IARS1: variants seen among roughly 807,000 people sequenced by gnomAD.
The protein encoded by IARS1 is isoleucyl-tRNA synthetase 1, also known as isoleucine--tRNA ligase, cytoplasmic.
In IARS1, 124 loss-of-function variants were observed where a neutral mutation model predicts 168.2. The observed-to-expected ratio is 0.74, with a 90% CI of 0.64 to 0.86. The LOEUF (loss-of-function observed/expected upper bound fraction) is 0.86. IARS1 is among the 40% of genes least tolerant of loss of function. The pLI is 0.00. For missense variants in IARS1, 1,452 were observed against 1,515.8 expected, an observed-to-expected ratio of 0.96 and a Z score of 0.70; for synonymous variants, 532 against 529.4, an observed-to-expected ratio of 1.00 and a Z score of -0.07.
intron 33 of IARS1, among the ~76,000 whole-genome samples, chr9:92,216,970 A>T (rs1356190726): frequency 6.6e-6 from 1 of 151,174 alleles, no homozygotes; most frequent in African/African-American, 2.4e-5. Context: ...CAGAATATAC[A>T]TTTTTTTCAG....
Position 92,245,041 on chromosome 9 carries a change from T to C in IARS1, c.2822A>G (p.His941Arg), listed in dbSNP as rs993445177. The part of the protein sequence containing the change: ...GTIVVEGHEL[H>R]DEDIRLMYTF... ...GTACATGAGGCGGATGTCTTCATCG[T>C]GCAATTCATGGCCTTCCACAACAAT... The change falls in exon 27 of 34, where the codon CAC becomes CGC. Residue 941 changes from histidine to arginine, a missense_variant. Coordinates refer to ENST00000443024, the MANE Select transcript of IARS1 (RefSeq NM_002161.6). 2.2e-5 allele frequency: 36 copies of C among 1,614,088 alleles called. No homozygotes were observed. The highest frequency in any genetic ancestry group is 2.9e-5 in the Non-Finnish European group (34 of 1,180,030).
At position 92,260,518 on chromosome 9, in the gene IARS1, G is replaced by C. The variant is rs543705854; in HGVS notation, c.1788-284C>G. On this transcript the variant is annotated intron_variant, in intron 17 of 33. Transcript: ENST00000443024. Reference sequence around the variant, plus strand: ...AAAAATACAAAAATTAGCTGGGCGTGGGGGCGCACACTTGTAATCCCCACT... The same window carrying C: ...AAAAATACAAAAATTAGCTGGGCGTCGGGGCGCACACTTGTAATCCCCACT... Among the ~76,000 whole-genome samples, 3 of 152,204 alleles carry C rather than the reference G, an allele frequency of 2.0e-5. No individual in the cohort carries two copies. In the South Asian group the frequency reaches 6.2e-4, roughly 32 times the overall value.
chr9:92,270,007 T>A (rs1298502924), intron 12 of IARS1, 24 bp from the exon 13 acceptor site: 1 of 1,486,376 alleles, frequency 6.7e-7, no homozygotes, highest in Non-Finnish European at 9.4e-7. Context: ...AACACACACA[T>A]AGCTGCTCAG....
chr9:92,286,260 G>T, intron 5 of IARS1: 1 of 315,700 alleles, frequency 3.2e-6, no homozygotes, highest in South Asian at 5.0e-5. Flanking sequence ...CCAGCTACTT[G>T]GGAGGCTGAA....
rs1835694414 is a variant in IARS1 at position 92,287,840 on chromosome 9, T to C, written c.347A>G (p.Tyr116Cys). The C allele has an allele frequency of 1.9e-6, 3 of 1,613,880 alleles. No individual in the cohort carries two copies. Among genetic ancestry groups the C allele is most frequent in the East Asian group, 2.2e-5 (1 of 44,876 alleles). ...EDVAKMGITEYNNQCRAIVMR... is the reference protein window; with the variant it reads ...EDVAKMGITECNNQCRAIVMR... ...CACAATTGCTCGGCACTGATTGTTA[T>C]ACTCTGTAATCCCCATTTTGGCCAC... Residue 116 changes from tyrosine to cysteine, a missense_variant, in exon 4 of 34, where the codon TAT becomes TGT. Tyr to Cys is a radical substitution (Grantham distance 194). Coordinates refer to ENST00000443024, the MANE Select transcript of IARS1 (RefSeq NM_002161.6).
chr9:92,220,956 C>G (rs1839580578), intron 33 of IARS1, among the ~76,000 whole-genome samples: 1 of 151,950 alleles, frequency 6.6e-6, no homozygotes, highest in South Asian at 2.1e-4. Context: ...AGAACAAGAC[C>G]AAGTCTCAAA....
intron 29 of IARS1, 122 bp downstream of exon 29, chr9:92,242,032 A>G (rs1041680404): frequency 1.3e-6 from 1 of 750,380 alleles, no homozygotes; most frequent in East Asian, 2.5e-5. Flanking sequence ...GTCCAGAGCA[A>G]TACTTCAAGA....
At chr9:92,280,671 G>T in intron 7 of IARS1, 75 bp downstream of exon 7, 1 of 898,810 alleles carries the variant, frequency 1.1e-6, no homozygotes, top group Non-Finnish European at 1.7e-6. Context: ...CAAAAAGAAA[G>T]GTAAGCTTTC....
intron 31 of IARS1, among the ~76,000 whole-genome samples, chr9:92,226,347 G>A (rs926964951): frequency 6.6e-6 from 1 of 152,146 alleles, no homozygotes; most frequent in African/African-American, 2.4e-5. Context: ...TCTAGTTTTT[G>A]CCAATCTGGT....
chr9:92,267,216 T>C lies in IARS1; in HGVS notation c.1431+958A>G, dbSNP rs1832408504. Among the ~76,000 whole-genome samples the C allele has an allele frequency of 2.0e-5, 3 of 152,256 alleles. No homozygotes were observed. In the South Asian group the frequency reaches 6.2e-4, roughly 32 times the overall value. On this transcript the variant is annotated intron_variant, in intron 14 of 33. Coordinates refer to ENST00000443024, the MANE Select transcript of IARS1 (RefSeq NM_002161.6). ...GATCATCTGACAAGGGCCACACCAG[T>C]AGGAACTGCTGTGCGTTCTCACCCA...
chr9:92,293,534 G>A, intron 1 of IARS1, 77 bp downstream of exon 1: 1 of 519,712 alleles, frequency 1.9e-6, no homozygotes, highest in Non-Finnish European at 3.9e-6. Context: ...TAAATCTTGT[G>A]CTACTGTTTC....
chr9:92,214,822 C>T (rs1838370964), intron 33 of IARS1, among the ~76,000 whole-genome samples: 2 of 152,228 alleles, frequency 1.3e-5, no homozygotes, highest in Admixed American at 1.3e-4. Flanking sequence ...GATCAAACTG[C>T]AAGGCGGCAG....
At chr9:92,232,081 AT>A (rs1354305611) in intron 30 of IARS1, among the ~76,000 whole-genome samples, 1 of 152,202 alleles carries the variant, frequency 6.6e-6, no homozygotes. Context: ...AATCTCATCT[AT>A]TAAACTTTTT....
intron 33 of IARS1, among the ~76,000 whole-genome samples, chr9:92,216,071 C>T (rs1838628473): frequency 1.3e-5 from 2 of 151,686 alleles, no homozygotes; most frequent in Admixed American, 6.6e-5. Context: ...AACAGCAGAT[C>T]TCTCGGCAGA....
At position 92,289,266 on chromosome 9, in the gene IARS1, T is replaced by C. The variant is rs563120316; in HGVS notation, c.119+35A>G. 3 of 836,684 alleles carry C rather than the reference T, an allele frequency of 3.6e-6. No individual in the cohort carries two copies. In the Admixed American group the frequency reaches 6.2e-5, roughly 17 times the overall value. 51.8% of individuals were successfully genotyped at this position (836,684 alleles called of 1,614,324 possible). ...TGGAATTCAGTCTAAGAAATGACTA[T>C]TCTTAAGGGAACTTAACCTAAAAAA... On this transcript the variant is annotated intron_variant, in intron 2 of 33. Coordinates refer to ENST00000443024, the MANE Select transcript of IARS1 (RefSeq NM_002161.6).
chr9:92,270,024 A>C, intron 12 of IARS1, 41 bp from the exon 13 acceptor site: 1 of 1,218,932 alleles, frequency 8.2e-7, no homozygotes, highest in East Asian at 2.3e-5. Flanking sequence ...TCAGGCTGAG[A>C]CTAGTAGGCA....
At chr9:92,259,746 G>A (rs140902785) in intron 18 of IARS1, among the ~76,000 whole-genome samples, 71 of 152,238 alleles carry the variant, frequency 4.7e-4, no homozygotes, top group African/African-American at 1.6e-3. Context: ...TTCAATATGA[G>A]TTTTTTTATC....
At chr9:92,245,798 G>A (rs866264824) in intron 26 of IARS1, among the ~76,000 whole-genome samples, 3 of 145,668 alleles carry the variant, frequency 2.1e-5, no homozygotes, top group South Asian at 2.2e-4. Flanking sequence ...ACAGAGTCTT[G>A]CTTTGTCACC....
intron 16 of IARS1, among the ~76,000 whole-genome samples, chr9:92,264,608 A>G (rs1587836363): frequency 6.6e-6 from 1 of 152,190 alleles, no homozygotes; most frequent in African/African-American, 2.4e-5. Flanking sequence ...ATACTCAAAC[A>G]TTTGAGTAAA....
Sources: gnomAD v4.1 joint callset for allele counts (sites outside exome capture counted in the v4.1 genomes callset) on GRCh38, gnomAD v4.1.1 for gene constraint, MANE v1.5 for transcripts, NCBI Gene and HGNC (gene_info 2026-07-23, HGNC 2026-07-21) for gene names.